Variants in COL6A6 observed in about 807,000 individuals in gnomAD.
COL6A6 encodes the protein collagen type VI alpha 6 chain, also known as collagen alpha-6(VI) chain.
In COL6A6, 183 loss-of-function variants were observed where a neutral mutation model predicts 208.6. That is an observed-to-expected ratio of 0.88 (90% CI 0.78 to 0.99). The LOEUF (loss-of-function observed/expected upper bound fraction) is 0.99. COL6A6 is among the 50% of genes least tolerant of loss of function. COL6A6 has a pLI of 0.00. For synonymous variants in COL6A6, 973 were observed against 1,011.8 expected, an observed-to-expected ratio of 0.96 and a Z score of 0.73; for missense variants, 2,816 against 2,815.2, an observed-to-expected ratio of 1.00 and a Z score of -0.01.
intron 26 of COL6A6, among the ~76,000 whole-genome samples, chr3:130,628,114 A>G (rs952137914): frequency 2.0e-5 from 3 of 152,210 alleles, no homozygotes; most frequent in African/African-American, 7.2e-5. Context: ...TGAAATCCCA[A>G]CGGGAATAAT....
At chr3:130,651,165 C>T (rs571889867) in intron 33 of COL6A6, among the ~76,000 whole-genome samples, 7 of 152,152 alleles carry the variant, frequency 4.6e-5, no homozygotes, top group Admixed American at 2.0e-4. Flanking sequence ...CGGTGGCTCA[C>T]GCCTGTAATC....
At chr3:130,661,123 G>A (rs1169439487) in intron 34 of COL6A6, among the ~76,000 whole-genome samples, 3 of 152,182 alleles carry the variant, frequency 2.0e-5, no homozygotes, top group African/African-American at 7.2e-5. Context: ...GAAATGCAAA[G>A]ATGAGCTTTG....
In COL6A6 at chr3:130,665,720, G is replaced by A. The variant is rs75420288; in HGVS notation, c.6596+624G>A. ...TATACAAGAATGCTAGCTAATAAAT[G>A]TAGAAGGAATGGTAGAATTAGAAAA... On this transcript the variant is annotated intron_variant, in intron 36 of 36. Transcript: ENST00000358511. 3.4e-3 allele frequency among the ~76,000 whole-genome samples: 525 copies of A among 152,278 alleles called. 2 individuals carry two copies. Among genetic ancestry groups the A allele is most frequent in the African/African-American group, 0.012 (494 of 41,566 alleles).
intron 1 of COL6A6, among the ~76,000 whole-genome samples, chr3:130,547,562 G>C (rs1350833502): frequency 6.6e-6 from 1 of 152,242 alleles, no homozygotes; most frequent in African/African-American, 2.4e-5. Flanking sequence ...AGCAGATGCC[G>C]AGGCCGAGGA....
At chr3:130,590,108 T>TTG (rs1484405413) in intron 12 of COL6A6, 1 of 396,498 alleles carries the variant, frequency 2.5e-6, no homozygotes, top group Non-Finnish European at 5.0e-6. Flanking sequence ...ATAATTCTAG[T>TTG]TTATCAGTGG....
intron 32 of COL6A6, among the ~76,000 whole-genome samples, chr3:130,647,172 C>A (rs2065485255): frequency 6.6e-6 from 1 of 152,068 alleles, no homozygotes; most frequent in Non-Finnish European, 1.5e-5. Flanking sequence ...GGAGGGCCTC[C>A]TAGGTACCAC....
intron 7 of COL6A6, among the ~76,000 whole-genome samples, chr3:130,573,045 T>C (rs779662427): frequency 2.0e-5 from 3 of 152,338 alleles, no homozygotes; most frequent in Non-Finnish European, 4.4e-5. Flanking sequence ...TGTTCACAAA[T>C]ATTTTTCTCA....
At chr3:130,542,267 CTT>C (rs1347167809) in intron 1 of COL6A6, among the ~76,000 whole-genome samples, 1 of 150,388 alleles carries the variant, frequency 6.6e-6, no homozygotes, top group Non-Finnish European at 1.5e-5. Context: ...CTTTTAATTT[CTT>C]GTTTTTTTCT....
chr3:130,592,532 C>T lies in COL6A6; in HGVS notation c.4273-9C>T, dbSNP rs548499645. 4.4e-6 allele frequency: 7 copies of T among 1,587,044 alleles called. No individual in the cohort carries two copies. The Admixed American group carries it at 9.0e-5, about 20-fold the overall frequency. The stretch of plus-strand genomic sequence containing the variant: ...GAAAAAGCTCATTTGGATATGTGCC[C>T]TTTCTCAGGGAGAAAGAGGAGCCCC... On this transcript the variant is annotated splice_polypyrimidine_tract_variant and intron_variant, in intron 13 of 36. Transcript: ENST00000358511.
At position 130,522,802 on chromosome 3, in the gene COL6A6, C is replaced by T. The variant is rs56213989; in HGVS notation, c.-32+5405C>T. On this transcript the variant is annotated intron_variant, in intron 1 of 36. Transcript: ENST00000358511. Reference sequence around the variant, plus strand: ...CCATCTAATCAGTCTCCAAGTCTTACAAATTTAATTTCCTAACAATCTCTA... The same window carrying T: ...CCATCTAATCAGTCTCCAAGTCTTATAAATTTAATTTCCTAACAATCTCTA... 9.0e-3 allele frequency among the ~76,000 whole-genome samples: 1,368 copies of T among 152,186 alleles called. 23 individuals carry two copies. The highest frequency in any genetic ancestry group is 0.031 in the African/African-American group (1,293 of 41,508).
intron 1 of COL6A6, among the ~76,000 whole-genome samples, chr3:130,559,115 G>T (rs926023350): frequency 6.6e-6 from 1 of 152,210 alleles, no homozygotes; most frequent in African/African-American, 2.4e-5. Context: ...AGGGCTCATA[G>T]TGAAAGCTCA....
At position 130,608,973 on chromosome 3, in the gene COL6A6, C is replaced by A; in HGVS notation, c.4752+9C>A. On this transcript the variant is annotated intron_variant, in intron 22 of 36. Coordinates refer to ENST00000358511, the MANE Select transcript of COL6A6 (RefSeq NM_001102608.3). Reference sequence around the variant, plus strand: ...GACTTAAGGGCCCTCAGGTACATATCAAGACCAATCAGGGTGTGAGAACAT... The same window carrying A: ...GACTTAAGGGCCCTCAGGTACATATAAAGACCAATCAGGGTGTGAGAACAT... 1 of 1,603,672 alleles carries A rather than the reference C, an allele frequency of 6.2e-7. No individual in the cohort carries two copies. Among genetic ancestry groups the A allele is most frequent in the East Asian group, 2.2e-5 (1 of 44,818 alleles).
chr3:130,536,124 A>G (rs2062218828), intron 1 of COL6A6, among the ~76,000 whole-genome samples: 1 of 152,206 alleles, frequency 6.6e-6, no homozygotes, highest in African/African-American at 2.4e-5. Context: ...TGCTATACAG[A>G]AAACTTCTCC....
At position 130,560,371 on chromosome 3, in the gene COL6A6, T is replaced by C. The variant is rs753720292; in HGVS notation, c.7T>C (p.Leu3=). The C allele has an allele frequency of 1.2e-6, 2 of 1,611,526 alleles. No individual in the cohort carries two copies. The highest frequency in any genetic ancestry group is 2.2e-5 in the East Asian group (1 of 44,760). The change falls in exon 2 of 37, where the codon TTG becomes CTG. Residue 3 remains leucine, a synonymous_variant. Coordinates refer to ENST00000358511, the MANE Select transcript of COL6A6 (RefSeq NM_001102608.3). ...AGATTTTTCAGGTCATAATATGATG[T>C]TGCTAATTTTGTTCCTCGTGATAAT... MM[L]LILFLVIICS...
At chr3:130,646,982 G>A (rs2065479493) in intron 32 of COL6A6, among the ~76,000 whole-genome samples, 2 of 152,148 alleles carry the variant, frequency 1.3e-5, no homozygotes, top group Non-Finnish European at 2.9e-5. Context: ...ATATGGTGGC[G>A]ACCTGGATAA....
chr3:130,542,166 TA>T (rs2062381496), intron 1 of COL6A6, among the ~76,000 whole-genome samples: 1 of 151,918 alleles, frequency 6.6e-6, no homozygotes, highest in South Asian at 2.1e-4. Flanking sequence ...TTAAAATTTT[TA>T]TTTTTTTCCT....
chr3:130,639,757 C>T (rs533842438), intron 28 of COL6A6, among the ~76,000 whole-genome samples: 11 of 151,616 alleles, frequency 7.3e-5, no homozygotes, highest in Admixed American at 2.0e-4. Context: ...TGTCAACTAC[C>T]GGTTTCCCAA....
chr3:130,583,864 T>C (rs2063477987), intron 10 of COL6A6, among the ~76,000 whole-genome samples: 1 of 152,210 alleles, frequency 6.6e-6, no homozygotes, highest in African/African-American at 2.4e-5. Flanking sequence ...AGGACTTCAC[T>C]TGGTGCTGGG....
chr3:130,636,016 A>T (rs1181748500), intron 28 of COL6A6, among the ~76,000 whole-genome samples: 1 of 152,250 alleles, frequency 6.6e-6, no homozygotes, highest in Non-Finnish European at 1.5e-5. Flanking sequence ...ACTGGTAATA[A>T]GATTTTTTAA....
Sources: gnomAD v4.1 joint callset for allele counts (sites outside exome capture counted in the v4.1 genomes callset) on GRCh38, gnomAD v4.1.1 for gene constraint, MANE v1.5 for transcripts, NCBI Gene and HGNC (gene_info 2026-07-23, HGNC 2026-07-21) for gene names.